GABRR3: variants seen among roughly 807,000 people sequenced by gnomAD.
GABRR3 encodes gamma-aminobutyric acid type A receptor subunit rho3.
Under a neutral mutation model 43.2 loss-of-function variants are expected in GABRR3, and 29 were observed. The ratio of observed to expected loss-of-function variants is 0.67; its 90% confidence interval spans 0.50 to 0.92. GABRR3 has a LOEUF of 0.92. Ranked by LOEUF, GABRR3 falls within the 40% of genes least tolerant of loss-of-function variation. The probability of loss-of-function intolerance (pLI) is 0.00; values close to 1 mark genes in which losing one functional copy is unlikely to be tolerated. For synonymous variants in GABRR3, 206 were observed against 195.9 expected, an observed-to-expected ratio of 1.05 and a Z score of -0.43; for missense variants, 576 against 572.3, an observed-to-expected ratio of 1.01 and a Z score of -0.07.
chr3:97,999,114 G>C (rs1706599303), intron 8 of GABRR3: 1 of 152,112 alleles, frequency 6.6e-6, no homozygotes, highest in Non-Finnish European at 1.5e-5. Context: ...AAAGTGAAGA[G>C]AATAAGTGGC....
At chr3:97,997,654 G>A (rs1706578756) in intron 8 of GABRR3, 1 of 152,158 alleles carries the variant, frequency 6.6e-6, no homozygotes, top group South Asian at 2.1e-4. Context: ...ACATATAAAT[G>A]CATATCACTA....
chr3:98,013,336 G>GA (rs1706831879), intron 4 of GABRR3, among the ~76,000 whole-genome samples: 1 of 152,024 alleles, frequency 6.6e-6, no homozygotes, highest in Non-Finnish European at 1.5e-5. Flanking sequence ...CATTATATTA[G>GA]AAAAAACAGT....
intron 3 of GABRR3, 27 bp from the exon 4 acceptor site, chr3:98,017,749 C>T: frequency 1.4e-6 from 2 of 1,454,128 alleles, no homozygotes; most frequent in Non-Finnish European, 1.9e-6. Flanking sequence ...GGTTAATATG[C>T]TGAGGAATGC....
intron 3 of GABRR3, among the ~76,000 whole-genome samples, chr3:98,021,775 T>C (rs114156222): frequency 3.8e-3 from 577 of 152,320 alleles, no homozygotes; most frequent in Non-Finnish European, 6.4e-3. Flanking sequence ...ATCCTTTTTG[T>C]ATATGGCAAG....
At chr3:98,016,410 C>T (rs574937464) in intron 4 of GABRR3, among the ~76,000 whole-genome samples, 1 of 152,240 alleles carries the variant, frequency 6.6e-6, no homozygotes, top group South Asian at 2.1e-4. Flanking sequence ...GTGATGCCTG[C>T]TCCCGTTCAC....
intron 2 of GABRR3, 34 bp downstream of exon 2, chr3:98,034,829 A>C: frequency 6.2e-7 from 1 of 1,609,274 alleles, no homozygotes; most frequent in Non-Finnish European, 8.5e-7. Context: ...GAAACTGGGC[A>C]GTAATTCCAT....
chr3:98,034,551 T>C (rs1476445986), intron 2 of GABRR3, among the ~76,000 whole-genome samples: 1 of 152,182 alleles, frequency 6.6e-6, no homozygotes, highest in Non-Finnish European at 1.5e-5. Context: ...GTATTTAATG[T>C]ATTAGTAATA....
Position 98,030,743 on chromosome 3 carries a change from G to A in GABRR3, c.125+4120C>T, listed in dbSNP as rs182435728. On this transcript the variant is annotated intron_variant, in intron 2 of 9. Transcript: ENST00000621172. The stretch of plus-strand genomic sequence containing the variant: ...AGCATGGCCTCTTGATAACATGGAC[G>A]TTTTTCTCAGTCAAGCTTTACTGTG... 2.4e-3 allele frequency among the ~76,000 whole-genome samples: 371 copies of A among 152,192 alleles called. 1 individual carries two copies. Among genetic ancestry groups the A allele is most frequent in the Admixed American group, 3.7e-3 (57 of 15,288 alleles).
At chr3:97,998,843 G>A (rs990752557) in intron 8 of GABRR3, 1 of 152,088 alleles carries the variant, frequency 6.6e-6, no homozygotes, top group Admixed American at 6.6e-5. Context: ...ATGTTACCAT[G>A]TTAACTTGTA....
intron 4 of GABRR3, among the ~76,000 whole-genome samples, chr3:98,017,240 T>C (rs966495582): frequency 1.3e-5 from 2 of 152,214 alleles, no homozygotes; most frequent in African/African-American, 4.8e-5. Flanking sequence ...AAAATTAATA[T>C]CATTTGATAT....
At chr3:98,001,850 A>G in intron 7 of GABRR3, 83 bp from the exon 8 acceptor site, 2 of 1,463,678 alleles carry the variant, frequency 1.4e-6, no homozygotes, top group Non-Finnish European at 1.9e-6. Flanking sequence ...GCTTCTTTAG[A>G]CTCCAAGCTC....
intron 6 of GABRR3, 76 bp downstream of exon 6, chr3:98,008,880 C>A (rs1035674216): frequency 1.5e-6 from 1 of 685,796 alleles, no homozygotes. Flanking sequence ...TTGTTAAGAG[C>A]ATGCTTATTT....
At chr3:98,001,809 C>T (rs1370368039) in intron 7 of GABRR3, 42 bp from the exon 8 acceptor site, 2 of 1,607,404 alleles carry the variant, frequency 1.2e-6, no homozygotes, top group African/African-American at 1.3e-5. Flanking sequence ...CAAGCTTCCC[C>T]TTAGAAACAC....
intron 7 of GABRR3, among the ~76,000 whole-genome samples, chr3:98,005,011 A>T (rs542012739): frequency 6.6e-6 from 1 of 152,110 alleles, no homozygotes; most frequent in East Asian, 1.9e-4. Context: ...CCGAAACCTA[A>T]CTAAGGGATG....
intron 3 of GABRR3, among the ~76,000 whole-genome samples, chr3:98,023,177 C>G (rs1276160564): frequency 6.6e-6 from 1 of 152,164 alleles, no homozygotes; most frequent in East Asian, 1.9e-4. Context: ...GTCAAAGCCT[C>G]TCTAGACCGC....
intron 3 of GABRR3, among the ~76,000 whole-genome samples, chr3:98,021,943 C>T (rs141135751): frequency 6.6e-6 from 1 of 152,278 alleles, no homozygotes; most frequent in East Asian, 1.9e-4. Context: ...CTGATTTTAG[C>T]TCCTCTTGAC....
intron 4 of GABRR3, among the ~76,000 whole-genome samples, chr3:98,014,174 G>A (rs750691039): frequency 1.3e-4 from 20 of 152,144 alleles, no homozygotes; most frequent in Non-Finnish European, 2.6e-4. Context: ...TATCTGATAC[G>A]GACTAGCACA....
chr3:97,999,298 G>A (rs1016060235), intron 8 of GABRR3: 18 of 152,028 alleles, frequency 1.2e-4, no homozygotes, highest in Non-Finnish European at 1.9e-4. Context: ...TTAAAAGTGA[G>A]GATATTTATG....
intron 3 of GABRR3, 93 bp downstream of exon 3, chr3:98,025,474 A>G: frequency 2.7e-6 from 2 of 739,216 alleles, no homozygotes; most frequent in Non-Finnish European, 4.4e-6. Flanking sequence ...AAACTGATGG[A>G]CTTTACTTGC....
Sources: gnomAD v4.1 joint callset for allele counts (sites outside exome capture counted in the v4.1 genomes callset) on GRCh38, gnomAD v4.1.1 for gene constraint, MANE v1.5 for transcripts, NCBI Gene and HGNC (gene_info 2026-07-23, HGNC 2026-07-21) for gene names.